The following NINL variants were observed in gnomAD, a reference collection of about 807,000 sequenced individuals.
The protein encoded by NINL is ninein like, also known as ninein-like protein.
A neutral mutation model predicts 160.3 loss-of-function variants in NINL; 153 were observed. The observed-to-expected ratio is 0.95, with a 90% CI of 0.84 to 1.09. The LOEUF (loss-of-function observed/expected upper bound fraction) is 1.09, where lower values mean the gene tolerates loss of function less well. Ranked by LOEUF, NINL falls within the 50% of genes least tolerant of loss-of-function variation. The pLI, the probability that NINL is intolerant of heterozygous loss-of-function variation, is 0.00. For synonymous variants in NINL, 800 were observed against 734.8 expected (o/e 1.09, Z -1.43); for missense variants, 1,829 against 1,764.0 (o/e 1.04, Z -0.66).
chr20:25,546,160 A>ACGGTCAATCATACTGGCTC (rs1363263984), intron 1 of NINL, among the ~76,000 whole-genome samples: 1 of 152,076 alleles, frequency 6.6e-6, no homozygotes, highest in Non-Finnish European at 1.5e-5. Context: ...TCCCCAGGCC[A>ACGGTCAATCATACTGGCTC]CGGTCAATCA....
intron 13 of NINL, among the ~76,000 whole-genome samples, chr20:25,488,656 G>A (rs376486991): frequency 1.5e-4 from 23 of 151,860 alleles, no homozygotes; most frequent in African/African-American, 4.6e-4. Context: ...GGAGGCTGGC[G>A]AGAATGCAAC....
intron 9 of NINL, among the ~76,000 whole-genome samples, chr20:25,497,326 G>A (rs2063777114): frequency 6.6e-6 from 1 of 152,244 alleles, no homozygotes; most frequent in African/African-American, 2.4e-5. Context: ...CTGAGGCACT[G>A]TGTAAATCAT....
At chr20:25,460,126 G>A (rs1290985817) in intron 21 of NINL, among the ~76,000 whole-genome samples, 2 of 152,082 alleles carry the variant, frequency 1.3e-5, no homozygotes, top group Non-Finnish European at 2.9e-5. Flanking sequence ...CTGGCCTCTG[G>A]GGCCTTCCTC....
chr20:25,517,652 GA>G, intron 3 of NINL, 100 bp downstream of exon 3: 1 of 847,428 alleles, frequency 1.2e-6, no homozygotes, highest in Non-Finnish European at 1.9e-6. Context: ...AAGTAAGGTA[GA>G]ATTCAGTTTT....
Position 25,476,473 on chromosome 20 carries a change from C to G in NINL, c.2818G>C (p.Glu940Gln), listed in dbSNP as rs1279014703. Residue 940 changes from glutamate (E) to glutamine (Q), a missense_variant, in exon 17 of 24, where the codon GAG becomes CAG. Physicochemically the swap from Glu to Gln is conservative, Grantham distance 29 (BLOSUM62 2). Coordinates refer to ENST00000278886, the MANE Select transcript of NINL (RefSeq NM_025176.6). Reference protein sequence around the residue: ...AAGLEQPGARELPLLGTERDA... With the variant: ...AAGLEQPGARQLPLLGTERDA... The stretch of plus-strand genomic sequence containing the variant: ...CTCTCTGTTCCCAGCAGAGGCAGCT[C>G]CCGGGCTCCAGGCTGCTCCAGCCCC... The G allele has an allele frequency of 6.2e-7, 1 of 1,606,544 alleles. No individual in the cohort carries two copies. The highest frequency in any genetic ancestry group is 8.5e-7 in the Non-Finnish European group (1 of 1,179,870).
At chr20:25,568,098 C>T (rs2065014721) in intron 1 of NINL, among the ~76,000 whole-genome samples, 1 of 150,298 alleles carries the variant, frequency 6.7e-6, no homozygotes, top group Non-Finnish European at 1.5e-5. Flanking sequence ...AAACTGAACG[C>T]AGAAAAGTAA....
chr20:25,579,907 C>A (rs774959995), intron 1 of NINL, among the ~76,000 whole-genome samples: 5 of 152,184 alleles, frequency 3.3e-5, no homozygotes, highest in Non-Finnish European at 7.3e-5. Flanking sequence ...ATGTAAAATT[C>A]TTTACCAGAG....
rs57834122 is a variant in NINL at position 25,489,621 on chromosome 20, T to G, written c.1596+254A>C. Among the ~76,000 whole-genome samples the G allele has an allele frequency of 1.6e-3, 245 of 152,182 alleles. 3 individuals are homozygous for G. Among genetic ancestry groups the G allele is most frequent in the African/African-American group, 5.5e-3 (230 of 41,536 alleles). On this transcript the variant is annotated intron_variant, in intron 12 of 23. Transcript: ENST00000278886. ...CCTAGGTGACACCCAGGGAAGGCCC[T>G]GCCCTCCCTCCACGCCCCCCACCAC...
intron 16 of NINL, among the ~76,000 whole-genome samples, chr20:25,478,703 C>T (rs1427546460): frequency 6.6e-6 from 1 of 152,194 alleles, no homozygotes; most frequent in East Asian, 1.9e-4. Context: ...TGTTTCTACA[C>T]AGTGAACAGC....
chr20:25,522,183 C>A (rs1316013810), intron 2 of NINL, among the ~76,000 whole-genome samples: 1 of 152,240 alleles, frequency 6.6e-6, no homozygotes, highest in Admixed American at 6.5e-5. Context: ...ACTGGGATTA[C>A]AGACCTGAGC....
Position 25,480,220 on chromosome 20 carries a change from G to C in NINL, c.1858C>G (p.Leu620Val). 1 of 1,614,046 alleles carries C rather than the reference G, an allele frequency of 6.2e-7. No individual in the cohort carries two copies. The highest frequency in any genetic ancestry group is 8.5e-7 in the Non-Finnish European group (1 of 1,180,018). ...NSAPVSIETE[L>V]MMEQVKEHYQ... Reference sequence around the variant, plus strand: ...TGCTCCTTTACCTGCTCCATCATCAGCTCCGTTTCTATACTCACTGGAGCA... The same window carrying C: ...TGCTCCTTTACCTGCTCCATCATCACCTCCGTTTCTATACTCACTGGAGCA... Residue 620 changes from leucine to valine, a missense_variant, in exon 15 of 24, where the codon CTG (leucine) becomes GTG (valine). Leu to Val is a conservative substitution (Grantham distance 32, BLOSUM62 1). Coordinates refer to ENST00000278886, the MANE Select transcript of NINL (RefSeq NM_025176.6).
chr20:25,568,639 G>A lies in NINL; in HGVS notation c.-12+16816C>T, dbSNP rs886867377. Among the ~76,000 whole-genome samples, 12 of 151,914 alleles carry A rather than the reference G, an allele frequency of 7.9e-5. No homozygotes were observed. The East Asian group carries it at 2.4e-3, about 30-fold the overall frequency. ...TTTCCCAGACTGGTCTCAAACTCCT[G>A]TGCTCGAGTGATCCTGCCACCTCAG... On this transcript the variant is annotated intron_variant, in intron 1 of 23. Coordinates refer to ENST00000278886, the MANE Select transcript of NINL (RefSeq NM_025176.6).
rs762331777 is a variant in NINL at position 25,500,805 on chromosome 20, C to T, written c.1032+35G>A. ...TCTGCAGCAGACGGGCCCCCCAGGT[C>T]CCCTGTCCAGCTTAGGCATCACCCA... On this transcript the variant is annotated intron_variant, in intron 8 of 23. Coordinates refer to ENST00000278886, the MANE Select transcript of NINL (RefSeq NM_025176.6). 1.9e-6 allele frequency: 3 copies of T among 1,598,812 alleles called. No individual in the cohort carries two copies. The South Asian group carries it at 3.4e-5, about 18-fold the overall frequency.
chr20:25,499,309 G>T, intron 8 of NINL: 1 of 874,776 alleles, frequency 1.1e-6, no homozygotes, highest in Non-Finnish European at 1.4e-6. Flanking sequence ...GGTCAGAAAT[G>T]CTGACTGAGT....
chr20:25,473,263 C>T (rs2063148762), intron 17 of NINL, among the ~76,000 whole-genome samples: 1 of 152,064 alleles, frequency 6.6e-6, no homozygotes, highest in East Asian at 1.9e-4. Context: ...TGACAATTCT[C>T]CTAATTGTAC....
At position 25,512,785 on chromosome 20, in the gene NINL, T is replaced by A. The variant is rs370522552; in HGVS notation, c.450+49A>T. On this transcript the variant is annotated intron_variant, in intron 4 of 23. Coordinates refer to ENST00000278886, the MANE Select transcript of NINL (RefSeq NM_025176.6). ...ACAAAAAGGGATGAAGGGAAGCATT[T>A]GTTATTCCCAACACTGGGCAGCTGG... 4 of 1,541,236 alleles carry A rather than the reference T, an allele frequency of 2.6e-6. No individual in the cohort carries two copies. The African/African-American group carries it at 5.5e-5, about 21-fold the overall frequency.
At chr20:25,471,455 A>C (rs2063092212) in intron 17 of NINL, among the ~76,000 whole-genome samples, 1 of 152,146 alleles carries the variant, frequency 6.6e-6, no homozygotes. Context: ...TGGCTCTAGA[A>C]TGGAGAACAA....
Position 25,547,358 on chromosome 20 carries a change from T to A in NINL, c.-11-20760A>T, listed in dbSNP as rs1400208761. Among the ~76,000 whole-genome samples, 6 of 152,118 alleles carry A rather than the reference T, an allele frequency of 3.9e-5. No homozygotes were observed. In the East Asian group the frequency reaches 1.2e-3, roughly 29 times the overall value. ...GCTTCATAATAAACCGGTAAACATT[T>A]GTAAATGTTTCCTTGAGCTTTGCAA... On this transcript the variant is annotated intron_variant, in intron 1 of 23. Coordinates refer to ENST00000278886, the MANE Select transcript of NINL (RefSeq NM_025176.6).
intron 1 of NINL, among the ~76,000 whole-genome samples, chr20:25,552,349 C>A (rs901077560): frequency 7.9e-5 from 12 of 152,060 alleles, no homozygotes; most frequent in African/African-American, 2.7e-4. Flanking sequence ...GCCTGAGCAG[C>A]ATAGCCAGAC....
Sources: allele counts gnomAD v4.1 joint callset (sites outside exome capture counted in the v4.1 genomes callset), GRCh38; gene constraint gnomAD v4.1.1; transcripts MANE v1.5; gene names NCBI Gene and HGNC (gene_info 2026-07-23, HGNC 2026-07-21).